The following PRIM2 variants were observed in gnomAD, a reference collection of about 807,000 sequenced individuals.
PRIM2 encodes the protein DNA primase large subunit.
In PRIM2, 39 loss-of-function variants were observed where a neutral mutation model predicts 67.3. That is an observed-to-expected ratio of 0.58 (90% CI 0.45 to 0.76). PRIM2 has a LOEUF of 0.76. Ranked by LOEUF, PRIM2 falls within the 30% of genes least tolerant of loss-of-function variation. The pLI is 0.00. For missense variants in PRIM2, 398 were observed against 598.7 expected (o/e 0.66, Z 3.50); for synonymous variants, 143 against 198.7 (o/e 0.72, Z 2.36).
At chr6:57,524,305 C>G (rs1188991478) in intron 8 of PRIM2, among the ~76,000 whole-genome samples, 1 of 152,208 alleles carries the variant, frequency 6.6e-6, no homozygotes, top group Non-Finnish European at 1.5e-5. Context: ...ATGCTGGCCT[C>G]TTATGTTTAA....
intron 7 of PRIM2, among the ~76,000 whole-genome samples, chr6:57,468,233 T>A (rs1773251416): frequency 6.6e-6 from 1 of 152,226 alleles, no homozygotes; most frequent in East Asian, 1.9e-4. Flanking sequence ...GCTTCCAGTT[T>A]TTGCCCATTC....
chr6:57,425,344 C>G (rs1771587734), intron 7 of PRIM2, among the ~76,000 whole-genome samples: 1 of 151,974 alleles, frequency 6.6e-6, no homozygotes, highest in South Asian at 2.1e-4. Context: ...TTCAGCCTCC[C>G]AAGTAACTGG....
chr6:57,444,138 A>G (rs544225442), intron 7 of PRIM2, among the ~76,000 whole-genome samples: 51 of 152,306 alleles, frequency 3.3e-4, no homozygotes, highest in African/African-American at 1.2e-3. Context: ...AATTACTTAT[A>G]TATTTAAAAA....
At chr6:57,365,553 A>C (rs1220387916) in intron 5 of PRIM2, among the ~76,000 whole-genome samples, 1 of 152,150 alleles carries the variant, frequency 6.6e-6, no homozygotes, top group Admixed American at 6.5e-5. Context: ...CACACAGAAT[A>C]TTTATTTTTC....
chr6:57,548,325 G>C (rs2127474071), intron 10 of PRIM2, among the ~76,000 whole-genome samples: 2 of 152,216 alleles, frequency 1.3e-5, no homozygotes, highest in African/African-American at 4.8e-5. Flanking sequence ...CAAGAAAATG[G>C]AGGCGATGGG....
At chr6:57,261,397 G>C in the PRIM2 span, among the ~76,000 whole-genome samples, 1 of 152,194 alleles carries the variant, frequency 6.6e-6, no homozygotes, top group African/African-American at 2.4e-5. Context: ...GAGAAGTGGG[G>C]AAAAATACCC....
the PRIM2 span, among the ~76,000 whole-genome samples, chr6:57,296,351 G>A: frequency 6.6e-6 from 1 of 152,050 alleles, no homozygotes; most frequent in Non-Finnish European, 1.5e-5. Flanking sequence ...TTATAGGATT[G>A]AGCAAACTAA....
chr6:57,420,870 A>T, intron 7 of PRIM2, among the ~76,000 whole-genome samples: 1 of 152,222 alleles, frequency 6.6e-6, no homozygotes, highest in East Asian at 1.9e-4. Flanking sequence ...ACTTGTGGAG[A>T]TATCTGGCAT....
intron 7 of PRIM2, among the ~76,000 whole-genome samples, chr6:57,443,488 T>A (rs1452542734): frequency 6.6e-6 from 1 of 152,222 alleles, no homozygotes; most frequent in African/African-American, 2.4e-5. Flanking sequence ...ATTTTTCATT[T>A]TCCTAATAAT....
the PRIM2 span, among the ~76,000 whole-genome samples, chr6:57,302,673 T>C: frequency 6.6e-6 from 1 of 152,188 alleles, no homozygotes; most frequent in Non-Finnish European, 1.5e-5. Context: ...GTGCCTTATA[T>C]AACAATGTTG....
chr6:57,457,125 T>G (rs2127394423), intron 7 of PRIM2, among the ~76,000 whole-genome samples: 1 of 121,980 alleles, frequency 8.2e-6, no homozygotes, highest in Non-Finnish European at 1.8e-5. Context: ...CAGCAAATGT[T>G]CCTGCCTGAT....
chr6:57,620,661 A>G (rs2127496839), intron 12 of PRIM2, among the ~76,000 whole-genome samples: 1 of 152,334 alleles, frequency 6.6e-6, no homozygotes, highest in Admixed American at 6.5e-5. Context: ...ACAAGTTAAA[A>G]AACAAAAACA....
At chr6:57,326,580 GC>G (rs1363346103) in intron 5 of PRIM2, among the ~76,000 whole-genome samples, 1 of 151,984 alleles carries the variant, frequency 6.6e-6, no homozygotes, top group Admixed American at 6.6e-5. Flanking sequence ...AATTAGCCAG[GC>G]ATGGTGCTGC....
intron 5 of PRIM2, among the ~76,000 whole-genome samples, chr6:57,330,579 T>C (rs1768027136): frequency 6.6e-6 from 1 of 152,090 alleles, no homozygotes; most frequent in Non-Finnish European, 1.5e-5. Context: ...ACTACAGAGA[T>C]ATTCTGACTC....
intron 7 of PRIM2, among the ~76,000 whole-genome samples, chr6:57,460,379 C>T (rs1185542155): frequency 1.3e-5 from 2 of 152,014 alleles, no homozygotes; most frequent in African/African-American, 4.8e-5. Flanking sequence ...AGGAATATGC[C>T]TGAGTCTCAG....
intron 7 of PRIM2, among the ~76,000 whole-genome samples, chr6:57,501,411 T>C (rs1346929087): frequency 7.2e-5 from 11 of 152,164 alleles, no homozygotes; most frequent in Admixed American, 1.3e-4. Flanking sequence ...GCGATTATCC[T>C]GCCTCAGCCT....
chr6:57,385,745 C>T (rs372139708), intron 7 of PRIM2, among the ~76,000 whole-genome samples: 4,856 of 152,238 alleles, frequency 0.032, 258 homozygotes, highest in African/African-American at 0.11. Context: ...TTTTGTATCT[C>T]TCAGTTTGGG....
intron 6 of PRIM2, among the ~76,000 whole-genome samples, chr6:57,380,214 TCCC>T (rs1769910655): frequency 6.6e-6 from 1 of 152,130 alleles, no homozygotes; most frequent in African/African-American, 2.4e-5. Context: ...GGCTCTGACC[TCCC>T]ATTACAGGCT....
At chr6:57,232,926 A>T in the PRIM2 span, among the ~76,000 whole-genome samples, 1 of 152,220 alleles carries the variant, frequency 6.6e-6, no homozygotes, top group African/African-American at 2.4e-5. Context: ...GTCCTTCCAC[A>T]TATTAGAGGT....
Sources: gnomAD v4.1 joint callset for allele counts (sites outside exome capture counted in the v4.1 genomes callset) on GRCh38, gnomAD v4.1.1 for gene constraint, MANE v1.5 for transcripts, NCBI Gene and HGNC (gene_info 2026-07-23, HGNC 2026-07-21) for gene names.